The following PRDM16 variants were observed in gnomAD, a reference collection of about 807,000 sequenced individuals.
The protein encoded by PRDM16 is histone-lysine N-methyltransferase PRDM16.
In PRDM16, 23 loss-of-function variants were observed where a neutral mutation model predicts 110.6. That is an observed-to-expected ratio of 0.21 (90% CI 0.15 to 0.29). PRDM16 has a LOEUF of 0.29. Ranked by LOEUF, PRDM16 falls within the 10% of genes least tolerant of loss-of-function variation. The probability of loss-of-function intolerance (pLI) is 1.00; values close to 1 mark genes in which losing one functional copy is unlikely to be tolerated. For missense variants in PRDM16, 1,615 were observed against 1,794.3 expected, an observed-to-expected ratio of 0.90 and a Z score of 1.81; for synonymous variants, 799 against 781.8, an observed-to-expected ratio of 1.02 and a Z score of -0.37.
chr1:3,089,701 C>A (rs573131571), intron 1 of PRDM16, among the ~76,000 whole-genome samples: 1 of 152,338 alleles, frequency 6.6e-6, no homozygotes, highest in East Asian at 1.9e-4. Context: ...CTGGCATTGT[C>A]GAATTTCCCT....
intron 1 of PRDM16, among the ~76,000 whole-genome samples, chr1:3,171,131 T>TG (rs1185103738): frequency 5.9e-5 from 9 of 152,162 alleles, no homozygotes; most frequent in Non-Finnish European, 1.2e-4. Context: ...CTCTCCCTCT[T>TG]GCGATTTTTA....
chr1:3,337,448 T>G (rs2100504418), intron 3 of PRDM16, among the ~76,000 whole-genome samples: 1 of 152,320 alleles, frequency 6.6e-6, no homozygotes, highest in Non-Finnish European at 1.5e-5. Flanking sequence ...AGCAGGGTTC[T>G]TAGGAGGTGC....
intron 3 of PRDM16, among the ~76,000 whole-genome samples, chr1:3,384,853 G>A (rs998415552): frequency 6.6e-6 from 1 of 152,180 alleles, no homozygotes; most frequent in African/African-American, 2.4e-5. Context: ...GGGGGTGGGG[G>A]TTGCAACTCT....
rs968298101 is a variant in PRDM16, at chr1:3,339,578, G to C, written c.439-45574G>C. The stretch of plus-strand genomic sequence containing the variant: ...CAGTGAGGTGGGAAGGAGCGTGGGA[G>C]GAGGCTGCGGAGCGACCATTGCCTT... On this transcript the variant is annotated intron_variant, in intron 3 of 16. Transcript: ENST00000270722. This position sits in a 1 kb window ranked among gnomAD's most constrained non-coding sequence, Gnocchi z 5.0. 1.3e-5 allele frequency among the ~76,000 whole-genome samples: 2 copies of C among 151,982 alleles called. No individual in the cohort carries two copies. Among genetic ancestry groups the C allele is most frequent in the African/African-American group, 2.4e-5 (1 of 41,360 alleles).
chr1:3,411,511 C>T lies in PRDM16; in HGVS notation c.1314C>T (p.Leu438=). ...AGATGTTCAGCACTACCTCCTCCCT[C>T]AACAAGCACCGGCGCTTCTGCGAGG... ...CGQMFSTTSS[L]NKHRRFCEGK... The change falls in exon 9 of 17, where the codon CTC becomes CTT. Residue 438 remains leucine (L), a synonymous_variant. Transcript: ENST00000270722. The T allele has an allele frequency of 1.2e-6, 2 of 1,614,230 alleles. No homozygotes were observed. Among genetic ancestry groups the T allele is most frequent in the African/African-American group, 1.3e-5 (1 of 75,062 alleles).
chr1:3,191,812 G>A (rs1247897212), intron 2 of PRDM16, among the ~76,000 whole-genome samples: 1 of 152,148 alleles, frequency 6.6e-6, no homozygotes, highest in African/African-American at 2.4e-5. Flanking sequence ...CAGTGCTATG[G>A]GGCTTCAGTC....
chr1:3,155,173 C>T (rs1315095170), intron 1 of PRDM16, among the ~76,000 whole-genome samples: 1 of 152,226 alleles, frequency 6.6e-6, no homozygotes, highest in Non-Finnish European at 1.5e-5. Context: ...CTGCGGACCT[C>T]TCCAGGAAGG....
intron 3 of PRDM16, among the ~76,000 whole-genome samples, chr1:3,334,618 C>T (rs1642107596): frequency 6.6e-6 from 1 of 152,004 alleles, no homozygotes; most frequent in African/African-American, 2.4e-5. Flanking sequence ...GAGGCTGTGC[C>T]CAGTGGAGGA....
intron 4 of PRDM16, chr1:3,396,273 G>A (rs920873270): frequency 9.7e-6 from 6 of 615,736 alleles, no homozygotes; most frequent in Admixed American, 4.2e-5. Context: ...CCCCCTTTAT[G>A]AATATCCTAA....
chr1:3,263,482 G>A (rs1640216576), intron 3 of PRDM16, among the ~76,000 whole-genome samples: 1 of 152,210 alleles, frequency 6.6e-6, no homozygotes, highest in Non-Finnish European at 1.5e-5. Flanking sequence ...TGTCCTGGTG[G>A]CCACTCACTG....
At chr1:3,108,549 C>G (rs1642716733) in intron 1 of PRDM16, among the ~76,000 whole-genome samples, 1 of 152,238 alleles carries the variant, frequency 6.6e-6, no homozygotes, top group African/African-American at 2.4e-5. Context: ...GGCAATGCTA[C>G]AGTGCCTGAC....
intron 3 of PRDM16, among the ~76,000 whole-genome samples, chr1:3,313,216 C>T (rs1055086791): frequency 1.3e-5 from 2 of 152,230 alleles, no homozygotes; most frequent in African/African-American, 2.4e-5. Context: ...CCTTAGACAT[C>T]GAGGCCAGAG....
At chr1:3,096,094 T>C (rs1031666794) in intron 1 of PRDM16, among the ~76,000 whole-genome samples, 1 of 152,070 alleles carries the variant, frequency 6.6e-6, no homozygotes, top group African/African-American at 2.4e-5. Flanking sequence ...CTGGTGCCTG[T>C]CTATTTGGGG....
In PRDM16 at chr1:3,376,881, A is replaced by G. The variant is rs537996909; in HGVS notation, c.439-8271A>G. Among the ~76,000 whole-genome samples, 266 of 152,062 alleles carry G rather than the reference A, an allele frequency of 1.7e-3. 2 individuals carry two copies. The highest frequency in any genetic ancestry group is 0.01 in the Middle Eastern group (3 of 294). On this transcript the variant is annotated intron_variant, in intron 3 of 16. Transcript: ENST00000270722. Reference sequence around the variant, plus strand: ...CCCCATCCCACCAGCCACATTTCTCATTAGCACTGGGTCCCATCACCACCC... The same window carrying G: ...CCCCATCCCACCAGCCACATTTCTCGTTAGCACTGGGTCCCATCACCACCC...
rs1569730789 is a variant in PRDM16 at position 3,163,960 on chromosome 1, C to T, written c.38-22165C>T. 2.0e-5 allele frequency among the ~76,000 whole-genome samples: 3 copies of T among 152,172 alleles called. No individual in the cohort carries two copies. In the East Asian group the frequency reaches 5.8e-4, roughly 29 times the overall value. ...TTCATCTCCCATGGCCCCCTCTTCCCAAGGGAGCCCTGGGGCCCAGGGGAC... is the reference window on the plus strand; with the variant it reads ...TTCATCTCCCATGGCCCCCTCTTCCTAAGGGAGCCCTGGGGCCCAGGGGAC... On this transcript the variant is annotated intron_variant, in intron 1 of 16. Transcript: ENST00000270722.
chr1:3,395,681 C>A (rs1643375035), intron 4 of PRDM16, among the ~76,000 whole-genome samples: 1 of 152,230 alleles, frequency 6.6e-6, no homozygotes, highest in Admixed American at 6.5e-5. Context: ...CCTGGCCTCC[C>A]CTTTGTGAAC....
At position 3,277,759 on chromosome 1, in the gene PRDM16, A is replaced by G. The variant is rs952292507; in HGVS notation, c.438+33622A>G. On this transcript the variant is annotated intron_variant, in intron 3 of 16. Coordinates refer to ENST00000270722, the MANE Select transcript of PRDM16 (RefSeq NM_022114.4). ...CACACACGCACACGCACACACATGC[A>G]CACACGCGCACACACACGCACACAT... Among the ~76,000 whole-genome samples the G allele has an allele frequency of 6.8e-4, 93 of 136,364 alleles. 1 individual carries two copies. Among genetic ancestry groups the G allele is most frequent in the Non-Finnish European group, 7.1e-4 (47 of 66,524 alleles). The allele number at this position is 136,364 out of a possible 152,430, so 89.5% of individuals were successfully genotyped here.
In PRDM16 at chr1:3,405,226, G is replaced by A. The variant is rs555998436; in HGVS notation, c.1033-269G>A. Among the ~76,000 whole-genome samples, 5 of 152,356 alleles carry A rather than the reference G, an allele frequency of 3.3e-5. No individual in the cohort carries two copies. In the South Asian group the frequency reaches 1.0e-3, roughly 32 times the overall value. On this transcript the variant is annotated intron_variant, in intron 7 of 16. Coordinates refer to ENST00000270722, the MANE Select transcript of PRDM16 (RefSeq NM_022114.4). ...CCGCCAGGGTCTCAGCACCACAGCT[G>A]AAAACGCTTTCTGCAGCCCTGTCTC... is the stretch of plus-strand genomic sequence containing the variant.
intron 3 of PRDM16, among the ~76,000 whole-genome samples, chr1:3,253,868 C>T (rs1472394983): frequency 6.6e-6 from 1 of 152,138 alleles, no homozygotes; most frequent in East Asian, 1.9e-4. Flanking sequence ...TCTCCAGCAC[C>T]TGTTGTTTCC....
Sources: allele counts gnomAD v4.1 joint callset (sites outside exome capture counted in the v4.1 genomes callset), GRCh38; gene constraint gnomAD v4.1.1; non-coding constraint Gnocchi (gnomAD v3.1); transcripts MANE v1.5; gene names NCBI Gene and HGNC (gene_info 2026-07-23, HGNC 2026-07-21).